The following PCDHGA6 variants were observed in gnomAD, a reference collection of about 807,000 sequenced individuals.
The protein encoded by PCDHGA6 is protocadherin gamma-A6.
In PCDHGA6, 41 loss-of-function variants were observed where a neutral mutation model predicts 60.6. The ratio of observed to expected loss-of-function variants is 0.68; its 90% CI spans 0.53 to 0.88. PCDHGA6 has a LOEUF of 0.88. Among genes scored for constraint, PCDHGA6 ranks in the 40% least tolerant of loss-of-function variants. PCDHGA6 has a pLI of 0.00. For missense variants in PCDHGA6, 1,312 were observed against 1,203.0 expected (o/e 1.09, Z -1.34); for synonymous variants, 594 against 524.4 (o/e 1.13, Z -1.81).
In PCDHGA6 at chr5:141,443,329, A is replaced by AC. The variant is rs58846402; in HGVS notation, c.2425-51477dup. 1.9e-4 allele frequency among the ~76,000 whole-genome samples: 29 copies of AC among 151,590 alleles called. No individual in the cohort carries two copies. In the East Asian group the frequency reaches 4.3e-3, roughly 22 times the overall value. ...AAACCCATCTCTACAAAAAAAAAAA[A>AC]CAAAAATTAACAAGGTTTAGTGGTC... On this transcript the variant is annotated intron_variant, in intron 1 of 3. Coordinates refer to ENST00000517434, the MANE Select transcript of PCDHGA6 (RefSeq NM_018919.3).
rs10038103 is a variant in PCDHGA6 at position 141,414,849 on chromosome 5, C to T, written c.2424+38342C>T. On this transcript the variant is annotated intron_variant, in intron 1 of 3. Transcript: ENST00000517434. ...TGTCGTTGAGCCTGTTTGTGCTGGA[C>T]CAGAACGACAATGCGCCCGAGATCC... The T allele has an allele frequency of 7.9e-4, 1,268 of 1,614,252 alleles. 15 individuals carry two copies. In the African/African-American group the frequency reaches 0.015, roughly 19 times the overall value.
At chr5:141,492,163 C>G (rs921256341) in intron 1 of PCDHGA6, among the ~76,000 whole-genome samples, 3 of 152,232 alleles carry the variant, frequency 2.0e-5, no homozygotes, top group Admixed American at 6.5e-5. Flanking sequence ...CCTCCCTATC[C>G]CCGCATCACC....
chr5:141,479,636 CA>C (rs1397283180), intron 1 of PCDHGA6: 1 of 152,080 alleles, frequency 6.6e-6, no homozygotes, highest in African/African-American at 2.4e-5. Flanking sequence ...TTAACAATAA[CA>C]ACAACAACAA....
At chr5:141,410,847 G>GTT (rs773839667) in intron 1 of PCDHGA6, 4 of 158,332 alleles carry the variant, frequency 2.5e-5, no homozygotes, top group South Asian at 1.1e-4. Flanking sequence ...TTTTGTCTTT[G>GTT]TCTTTTTTTT....
intron 1 of PCDHGA6, among the ~76,000 whole-genome samples, chr5:141,484,819 G>A (rs2099601374): frequency 1.3e-5 from 2 of 152,122 alleles, no homozygotes; most frequent in Admixed American, 1.3e-4. Flanking sequence ...GCCGTTGAGC[G>A]GGAGGAAGGC....
intron 1 of PCDHGA6, among the ~76,000 whole-genome samples, chr5:141,469,684 T>C (rs1471928749): frequency 6.6e-6 from 1 of 152,256 alleles, no homozygotes; most frequent in Non-Finnish European, 1.5e-5. Flanking sequence ...ACATATGCAT[T>C]GGTCCTATGA....
In PCDHGA6 at chr5:141,405,069, C is replaced by T. The variant is rs200974828; in HGVS notation, c.2424+28562C>T. On this transcript the variant is annotated intron_variant, in intron 1 of 3. Coordinates refer to ENST00000517434, the MANE Select transcript of PCDHGA6 (RefSeq NM_018919.3). ...GCAGTCGTCTCCTGTGTCTTCCTCA[C>T]CTTCGTTATCACGCTGCTGGCCCTC... is the stretch of plus-strand genomic sequence containing the variant. 1.3e-4 allele frequency: 215 copies of T among 1,613,758 alleles called. No individual in the cohort carries two copies. The highest frequency in any genetic ancestry group is 1.7e-4 in the Non-Finnish European group (203 of 1,179,762).
chr5:141,455,143 T>C (rs984886337), intron 1 of PCDHGA6, among the ~76,000 whole-genome samples: 1 of 149,894 alleles, frequency 6.7e-6, no homozygotes, highest in Non-Finnish European at 1.5e-5. Flanking sequence ...CTGTGTTAAA[T>C]AAATATTAGT....
intron 1 of PCDHGA6, chr5:141,422,633 G>A (rs769515606): frequency 1.9e-6 from 3 of 1,613,120 alleles, no homozygotes; most frequent in Non-Finnish European, 2.5e-6. Flanking sequence ...AACCCCAGGG[G>A]TGCCTCCATC....
intron 1 of PCDHGA6, among the ~76,000 whole-genome samples, chr5:141,436,923 T>C (rs2097854286): frequency 6.6e-6 from 1 of 152,224 alleles, no homozygotes; most frequent in African/African-American, 2.4e-5. Flanking sequence ...GAGTGTTACT[T>C]TTTCTTTGTC....
chr5:141,420,076 T>A, intron 1 of PCDHGA6: 2 of 1,613,956 alleles, frequency 1.2e-6, no homozygotes, highest in Non-Finnish European at 1.7e-6. Context: ...GACCTGTGGG[T>A]CCCCCCAACT....
chr5:141,408,643 C>G (rs751905674), intron 1 of PCDHGA6: 2 of 1,613,910 alleles, frequency 1.2e-6, no homozygotes, highest in Admixed American at 1.7e-5. Context: ...AATCTGCATC[C>G]GCTGGTACAC....
chr5:141,505,324 G>A, intron 2 of PCDHGA6, 69 bp from the exon 3 acceptor site: 2 of 1,607,104 alleles, frequency 1.2e-6, no homozygotes, highest in African/African-American at 1.3e-5. Context: ...GGAGCCCTGG[G>A]AGAGGACAGG....
rs200519543 is a variant in PCDHGA6, at chr5:141,439,190, C to CAA, written c.2425-55603_2425-55602dup. 3.7e-3 allele frequency among the ~76,000 whole-genome samples: 409 copies of CAA among 111,790 alleles called. 4 individuals are homozygous for CAA. The highest frequency in any genetic ancestry group is 0.029 in the East Asian group (112 of 3,852). The allele number at this position is 111,790 out of a possible 152,430, so 73.3% of individuals were successfully genotyped here. A position where few individuals can be genotyped will look rare whatever the true frequency, so the allele number is the denominator to read the frequency against. On this transcript the variant is annotated intron_variant, in intron 1 of 3. Transcript: ENST00000517434. Reference sequence around the variant, plus strand: ...CCTGGGCGACATAGTGAGACTCTGACAAAAAAAAAAAAAAATCCATATGTG... The same window carrying CAA: ...CCTGGGCGACATAGTGAGACTCTGACAAAAAAAAAAAAAAAAATCCATATGTG...
At chr5:141,413,330 T>C (rs770842309) in intron 1 of PCDHGA6, 1 of 1,613,930 alleles carries the variant, frequency 6.2e-7, no homozygotes. Context: ...GTGGGCAACA[T>C]CTCCAAGGAC....
intron 1 of PCDHGA6, chr5:141,378,196 A>C (rs1197830416): frequency 6.6e-6 from 1 of 152,188 alleles, no homozygotes; most frequent in Non-Finnish European, 1.5e-5. Flanking sequence ...TGCCTACTAC[A>C]GTGTCTTTTG....
chr5:141,415,147 C>A lies in PCDHGA6; in HGVS notation c.2424+38640C>A, dbSNP rs779194230. The A allele has an allele frequency of 9.9e-6, 16 of 1,613,668 alleles. No individual in the cohort carries two copies. Among genetic ancestry groups the A allele is most frequent in the African/African-American group, 1.3e-5 (1 of 74,952 alleles). On this transcript the variant is annotated intron_variant, in intron 1 of 3. Transcript: ENST00000517434. ...CGTCCAGGACCACGGCCAGCCCCCT[C>A]TCTCCGCCACTGTCACGCTCACCGT... is the stretch of plus-strand genomic sequence containing the variant.
At chr5:141,441,368 G>A (rs1215599443) in intron 1 of PCDHGA6, 2 of 152,598 alleles carry the variant, frequency 1.3e-5, no homozygotes, top group African/African-American at 2.4e-5. Flanking sequence ...TGGGGCCGTG[G>A]ACCAGGAACA....
intron 1 of PCDHGA6, among the ~76,000 whole-genome samples, chr5:141,407,392 A>G (rs1427023659): frequency 6.6e-6 from 1 of 152,226 alleles, no homozygotes; most frequent in Non-Finnish European, 1.5e-5. Flanking sequence ...ATGTCATGGT[A>G]GGTAGTTACT....
Sources: gnomAD v4.1 joint callset for allele counts (sites outside exome capture counted in the v4.1 genomes callset) on GRCh38, gnomAD v4.1.1 for gene constraint, MANE v1.5 for transcripts, NCBI Gene and HGNC (gene_info 2026-07-23, HGNC 2026-07-21) for gene names.